FOXO3: variants seen among roughly 807,000 people sequenced by gnomAD.
The protein encoded by FOXO3 is forkhead box O3.
In FOXO3, 4 loss-of-function variants were observed where a neutral mutation model predicts 41.9. The ratio of observed to expected loss-of-function variants is 0.10; its 90% CI spans 0.05 to 0.22. The LOEUF is 0.22. Ranked by LOEUF, FOXO3 falls within the 10% of genes least tolerant of loss-of-function variation. The probability of loss-of-function intolerance (pLI) is 1.00; values close to 1 mark genes in which losing one functional copy is unlikely to be tolerated. For missense variants in FOXO3, 534 were observed against 906.8 expected, an observed-to-expected ratio of 0.59 and a Z score of 5.28; for synonymous variants, 318 against 389.3, an observed-to-expected ratio of 0.82 and a Z score of 2.16.
chr6:108,679,314 G>GT (rs201245037), intron 2 of FOXO3, among the ~76,000 whole-genome samples: 2,225 of 152,200 alleles, frequency 0.015, 61 homozygotes, highest in African/African-American at 0.051. Flanking sequence ...CTCCACTGGT[G>GT]TTGGGGTATT....
In FOXO3 at chr6:108,682,648, C is replaced by G. The variant is rs1475210542; in HGVS notation, c.*2856C>G. ...AGGGGTGCTGCCAGAGCCCTCTGCC[C>G]CTTATGTTGAGACCCTGCTTTCAGG... On this transcript the variant is annotated 3_prime_UTR_variant, in exon 3 of 3. Transcript: ENST00000406360. 2.0e-5 allele frequency: 3 copies of G among 152,228 alleles called. No homozygotes were observed. Among genetic ancestry groups the G allele is most frequent in the Non-Finnish European group, 4.4e-5 (3 of 68,058 alleles). The allele number at this position is 152,228 out of a possible 1,614,324, so 9.4% of individuals were successfully genotyped here.
intron 1 of FOXO3, among the ~76,000 whole-genome samples, chr6:108,593,334 T>G (rs1444924122): frequency 6.6e-6 from 1 of 152,222 alleles, no homozygotes; most frequent in Non-Finnish European, 1.5e-5. Flanking sequence ...AGCTAAATAA[T>G]TGGTGGGAGA....
At chr6:108,598,398 CAG>C (rs1394612522) in intron 1 of FOXO3, among the ~76,000 whole-genome samples, 10 of 152,200 alleles carry the variant, frequency 6.6e-5, no homozygotes, top group African/African-American at 2.2e-4. Flanking sequence ...GTGGGGATGA[CAG>C]GGGATTACCA....
rs79289796 is a variant in FOXO3 at position 108,645,754 on chromosome 6, T to G, written c.622-17701T>G. ...GAATATAGGCACATAAAAGTCTTTC[T>G]TGTTAGGTGTTTCTATTGCATTATC... On this transcript the variant is annotated intron_variant, in intron 1 of 2. Transcript: ENST00000406360. Among the ~76,000 whole-genome samples the G allele has an allele frequency of 8.0e-3, 1,215 of 152,306 alleles. 17 individuals are homozygous for G. The highest frequency in any genetic ancestry group is 0.028 in the African/African-American group (1,151 of 41,568).
At position 108,656,080 on chromosome 6, in the gene FOXO3, A is replaced by G. The variant is rs1314085591; in HGVS notation, c.622-7375A>G. 4.0e-5 allele frequency among the ~76,000 whole-genome samples: 6 copies of G among 151,550 alleles called. No homozygotes were observed. The South Asian group carries it at 6.2e-4, about 16-fold the overall frequency. On this transcript the variant is annotated intron_variant, in intron 1 of 2. Coordinates refer to ENST00000406360, the MANE Select transcript of FOXO3 (RefSeq NM_001455.4). ...AGTGGGCCTGGCTTTGGAGTTAACC[A>G]TAACTCATTTTGCTGCTCCAGACAG...
At chr6:108,594,954 G>A (rs1243701080) in intron 1 of FOXO3, among the ~76,000 whole-genome samples, 7 of 152,158 alleles carry the variant, frequency 4.6e-5, no homozygotes. Context: ...TGGTACCTAC[G>A]TGTCAGGGAC....
At chr6:108,650,453 G>A (rs12197634) in intron 1 of FOXO3, among the ~76,000 whole-genome samples, 1 of 152,086 alleles carries the variant, frequency 6.6e-6, no homozygotes, top group African/African-American at 2.4e-5. Flanking sequence ...TTGCATGACT[G>A]TCCTTGCCAG....
rs961470455 is a variant in FOXO3 at position 108,560,988 on chromosome 6, G to A, written c.-221G>A. 13 of 1,361,308 alleles carry A rather than the reference G, an allele frequency of 9.5e-6. No individual in the cohort carries two copies. Among genetic ancestry groups the A allele is most frequent in the Non-Finnish European group, 1.2e-5 (13 of 1,068,872 alleles). 84.3% of individuals were successfully genotyped at this position (1,361,308 alleles called of 1,614,324 possible). On this transcript the variant is annotated 5_prime_UTR_variant, in exon 1 of 3. Transcript: ENST00000406360. The stretch of plus-strand genomic sequence containing the variant: ...CTGTTCCTGGGAGGCGGGCGCGGCA[G>A]GACTGGGAGGTGGCGGCAGCGGGCG...
chr6:108,582,369 A>G (rs1167113891), intron 1 of FOXO3, among the ~76,000 whole-genome samples: 1 of 152,238 alleles, frequency 6.6e-6, no homozygotes, highest in African/African-American at 2.4e-5. Flanking sequence ...CTGTGAAGTC[A>G]TCTGGGAATC....
intron 1 of FOXO3, among the ~76,000 whole-genome samples, chr6:108,602,874 T>C (rs1260137976): frequency 6.6e-6 from 1 of 152,124 alleles, no homozygotes; most frequent in Non-Finnish European, 1.5e-5. Flanking sequence ...TAGGAGATAC[T>C]TTTCTTCCCT....
intron 1 of FOXO3, among the ~76,000 whole-genome samples, chr6:108,627,387 T>C (rs1777840328): frequency 1.3e-5 from 2 of 152,072 alleles, no homozygotes; most frequent in Admixed American, 1.3e-4. Context: ...TGAATGGGGG[T>C]ATGAAAACTG....
chr6:108,675,113 C>T (rs1679893587), intron 2 of FOXO3, among the ~76,000 whole-genome samples: 1 of 151,980 alleles, frequency 6.6e-6, no homozygotes, highest in Admixed American at 6.6e-5. Flanking sequence ...TTTATCTGTC[C>T]CTATCTCTGA....
At chr6:108,655,715 C>T (rs1176680546) in intron 1 of FOXO3, among the ~76,000 whole-genome samples, 2 of 152,136 alleles carry the variant, frequency 1.3e-5, no homozygotes, top group African/African-American at 2.4e-5. Flanking sequence ...CATTATACAC[C>T]GAAGGCGCCC....
At chr6:108,651,664 C>G (rs1415865925) in intron 1 of FOXO3, among the ~76,000 whole-genome samples, 1 of 152,200 alleles carries the variant, frequency 6.6e-6, no homozygotes, top group African/African-American at 2.4e-5. Context: ...TTTCAGATGT[C>G]AAACTCTCAA....
intron 1 of FOXO3, among the ~76,000 whole-genome samples, chr6:108,604,415 CTGATA>C (rs1247144948): frequency 6.6e-6 from 1 of 152,028 alleles, no homozygotes; most frequent in Non-Finnish European, 1.5e-5. Context: ...GAAGAACTTC[CTGATA>C]TATTTTTTTT....
At chr6:108,657,723 T>C (rs1380721084) in intron 1 of FOXO3, among the ~76,000 whole-genome samples, 4 of 152,208 alleles carry the variant, frequency 2.6e-5, no homozygotes, top group African/African-American at 9.7e-5. Flanking sequence ...TTCCTGGGAT[T>C]GAGGTGGCAG....
chr6:108,583,953 T>TA (rs1373256706), intron 1 of FOXO3, among the ~76,000 whole-genome samples: 6 of 152,092 alleles, frequency 3.9e-5, no homozygotes, highest in African/African-American at 2.4e-5. Context: ...CCTTCAGCAG[T>TA]ATGGGTTGGT....
intron 1 of FOXO3, among the ~76,000 whole-genome samples, chr6:108,628,642 A>G (rs17069673): frequency 0.049 from 7,436 of 152,188 alleles, 472 homozygotes; most frequent in African/African-American, 0.15. Flanking sequence ...AATCCAGGAC[A>G]TGGAGTGGAG....
chr6:108,614,475 T>A, intron 1 of FOXO3, among the ~76,000 whole-genome samples: 1 of 152,176 alleles, frequency 6.6e-6, no homozygotes, highest in East Asian at 1.9e-4. Context: ...TTGTCTCTCT[T>A]CATCCTTGGC....
Sources: gnomAD v4.1 joint callset for allele counts (sites outside exome capture counted in the v4.1 genomes callset) on GRCh38, gnomAD v4.1.1 for gene constraint, MANE v1.5 for transcripts, NCBI Gene and HGNC (gene_info 2026-07-23, HGNC 2026-07-21) for gene names.